The following CBFA2T3 variants were observed in gnomAD, a reference collection of about 807,000 sequenced individuals.
CBFA2T3 encodes the protein transcriptional corepressor CBFA2T3.
A neutral mutation model predicts 58.6 loss-of-function variants in CBFA2T3; 31 were observed. That is an observed-to-expected ratio of 0.53 (90% confidence interval 0.40 to 0.71). The LOEUF (loss-of-function observed/expected upper bound fraction) is 0.71, where lower values mean the gene tolerates loss of function less well. Among genes scored for constraint, CBFA2T3 ranks in the 30% least tolerant of loss-of-function variants. The pLI, the probability that CBFA2T3 is intolerant of heterozygous loss-of-function variation, is 0.00. For synonymous variants in CBFA2T3, 531 were observed against 421.9 expected (o/e 1.26, Z -3.17); for missense variants, 1,076 against 963.1 (o/e 1.12, Z -1.55).
At chr16:88,968,187 G>T (rs993731956) in intron 1 of CBFA2T3, among the ~76,000 whole-genome samples, 3 of 152,222 alleles carry the variant, frequency 2.0e-5, no homozygotes, top group Non-Finnish European at 2.9e-5. Context: ...GCCGAATAAG[G>T]GTGGACCACA....
chr16:88,882,369 G>A (rs1184170263), intron 8 of CBFA2T3, among the ~76,000 whole-genome samples: 1 of 151,022 alleles, frequency 6.6e-6, no homozygotes, highest in Non-Finnish European at 1.5e-5. Context: ...TGTGTACATG[G>A]GGGGGTTGTG....
chr16:88,930,927 C>CG (rs544964653), intron 1 of CBFA2T3, among the ~76,000 whole-genome samples: 95 of 150,256 alleles, frequency 6.3e-4, no homozygotes, highest in Non-Finnish European at 1.3e-3. Context: ...AGCGAGCTGG[C>CG]GGGGGGCGTG....
chr16:88,962,561 C>T (rs2142866268), intron 1 of CBFA2T3, among the ~76,000 whole-genome samples: 1 of 152,234 alleles, frequency 6.6e-6, no homozygotes, highest in African/African-American at 2.4e-5. Context: ...CCACTCTGCA[C>T]CCTGAGGGCA....
rs754628091 is a variant in CBFA2T3, at chr16:88,891,940, G to A, written c.653C>T (p.Ser218Phe). 6.2e-6 allele frequency: 10 copies of A among 1,613,276 alleles called. No homozygotes were observed. Among genetic ancestry groups the A allele is most frequent in the African/African-American group, 1.3e-5 (1 of 74,894 alleles). The change falls in exon 5 of 12, where the codon TCC (serine) becomes TTC (phenylalanine). Residue 218 changes from serine (S) to phenylalanine (F), a missense_variant. Physicochemically the swap from Ser to Phe is radical, Grantham distance 155. Coordinates refer to ENST00000268679, the MANE Select transcript of CBFA2T3 (RefSeq NM_005187.6). ...NSTLTIEEFH[S>F]KLQEATNFPL... Reference sequence around the variant, plus strand: ...GAAGTTGGTGGCCTCCTGAAGCTTGGAATGAAACTCCTCGATCGTCAATGT... The same window carrying A: ...GAAGTTGGTGGCCTCCTGAAGCTTGAAATGAAACTCCTCGATCGTCAATGT...
intron 1 of CBFA2T3, among the ~76,000 whole-genome samples, chr16:88,911,706 G>A (rs1329436619): frequency 1.3e-5 from 2 of 152,270 alleles, no homozygotes; most frequent in African/African-American, 2.4e-5. Context: ...CGCTCGCCCT[G>A]GCCACCCAGC....
Position 88,881,469 on chromosome 16 carries a change from G to C in CBFA2T3, c.1224C>G (p.Asp408Glu). 6.2e-7 allele frequency: 1 copy of C among 1,609,090 alleles called. No individual in the cohort carries two copies. The highest frequency in any genetic ancestry group is 1.3e-5 in the African/African-American group (1 of 74,988). The change falls in exon 9 of 12, where the codon GAC becomes GAG. Residue 408 changes from aspartate (D) to glutamate (E), a missense_variant. Transcript: ENST00000268679. Reference sequence around the variant, plus strand: ...GCGAGCGCCGCGTCTTCTCCACCATGTCCATGATGCAGTTCAGGAGCTGGG... The same window carrying C: ...GCGAGCGCCGCGTCTTCTCCACCATCTCCATGATGCAGTTCAGGAGCTGGG... ...HLNNLLNCIM[D>E]MVEKTRRSLT...
chr16:88,899,090 C>T (rs2142627353), intron 2 of CBFA2T3, among the ~76,000 whole-genome samples: 1 of 129,764 alleles, frequency 7.7e-6, no homozygotes, highest in South Asian at 2.9e-4. Flanking sequence ...CACAGCAGCA[C>T]CGCAGCTTCA....
Position 88,976,817 on chromosome 16 carries a change from C to A in CBFA2T3, c.-10G>T. ...GTCTTGAAGCCGGCATGAGGAGGGCCACCCTCAGGGGCCAACCTGGAGCCC... is the reference window on the plus strand; with the variant it reads ...GTCTTGAAGCCGGCATGAGGAGGGCAACCCTCAGGGGCCAACCTGGAGCCC... On this transcript the variant is annotated 5_prime_UTR_variant, in exon 1 of 12. Coordinates refer to ENST00000268679, the MANE Select transcript of CBFA2T3 (RefSeq NM_005187.6). 1 of 1,547,384 alleles carries A rather than the reference C, an allele frequency of 6.5e-7. No individual in the cohort carries two copies. The highest frequency in any genetic ancestry group is 8.7e-7 in the Non-Finnish European group (1 of 1,143,304).
At chr16:88,961,196 T>C (rs1027024365) in intron 1 of CBFA2T3, among the ~76,000 whole-genome samples, 6 of 152,178 alleles carry the variant, frequency 3.9e-5, no homozygotes, top group African/African-American at 1.4e-4. Context: ...GAAGGGGGCC[T>C]GTGGATGCCG....
chr16:88,950,405 C>T (rs1363746158), intron 1 of CBFA2T3: 1 of 428,420 alleles, frequency 2.3e-6, no homozygotes, highest in African/African-American at 2.4e-5. Context: ...GTTCACCCGT[C>T]CCCTGGACCG....
intron 1 of CBFA2T3, among the ~76,000 whole-genome samples, chr16:88,934,793 G>T (rs1200809353): frequency 1.3e-5 from 2 of 152,222 alleles, no homozygotes; most frequent in Non-Finnish European, 2.9e-5. Context: ...AGGCTGGAGT[G>T]CAGTGGCGCG....
intron 3 of CBFA2T3, among the ~76,000 whole-genome samples, chr16:88,896,135 C>G (rs1456436417): frequency 6.6e-6 from 1 of 152,198 alleles, no homozygotes; most frequent in African/African-American, 2.4e-5. Context: ...AAACAGCCCC[C>G]ACACCTAGTG....
chr16:88,901,575 G>A lies in CBFA2T3; in HGVS notation c.233C>T (p.Pro78Leu), dbSNP rs761307496. ...EVKTQPRSTP[P>L]SMPPPPPAAS... ...GGCAGGCGGTGGGGGCGGCATGCTG[G>A]GGGGTGTGGACCGGGGCTGCGTCTT... The change falls in exon 2 of 12, where the codon CCC becomes CTC. Residue 78 changes from proline (P) to leucine (L), a missense_variant. Transcript: ENST00000268679. The A allele has an allele frequency of 2.7e-6, 4 of 1,501,276 alleles. No individual in the cohort carries two copies. Among genetic ancestry groups the A allele is most frequent in the South Asian group, 1.4e-5 (1 of 73,786 alleles). 93.0% of individuals were successfully genotyped at this position (1,501,276 alleles called of 1,614,324 possible). A position where few individuals can be genotyped will look rare whatever the true frequency, so the allele number is the denominator to read the frequency against.
chr16:88,936,571 G>A (rs1207627742), intron 1 of CBFA2T3, among the ~76,000 whole-genome samples: 2 of 152,188 alleles, frequency 1.3e-5, no homozygotes, highest in Non-Finnish European at 2.9e-5. Flanking sequence ...GCCCAGACCC[G>A]ACGGGGCAGA....
At chr16:88,883,569 G>A (rs79571857) in intron 7 of CBFA2T3, 2,175 of 152,216 alleles carry the variant, frequency 0.014, 21 homozygotes, top group East Asian at 0.027. Context: ...AAACTAAGAC[G>A]TGAGTGACGC....
chr16:88,922,709 G>GCCACACC (rs1970961132), intron 1 of CBFA2T3, among the ~76,000 whole-genome samples: 1 of 152,236 alleles, frequency 6.6e-6, no homozygotes, highest in Admixed American at 6.5e-5. Context: ...CCAGCTTGCA[G>GCCACACC]CCGTCGGAGG....
At chr16:88,898,416 C>T (rs1597692519) in intron 2 of CBFA2T3, among the ~76,000 whole-genome samples, 3 of 152,164 alleles carry the variant, frequency 2.0e-5, no homozygotes, top group South Asian at 2.1e-4. Context: ...GATTTTCTGA[C>T]GGGGCTCTGT....
chr16:88,932,877 G>C (rs1012735088), intron 1 of CBFA2T3, among the ~76,000 whole-genome samples: 2 of 151,428 alleles, frequency 1.3e-5, no homozygotes, highest in African/African-American at 4.9e-5. Context: ...GCTGACGCAG[G>C]AGAATCACTT....
Position 88,950,538 on chromosome 16 carries a change from G to A in CBFA2T3, c.151+26119C>T, listed in dbSNP as rs58251630. 5 of 396,162 alleles carry A rather than the reference G, an allele frequency of 1.3e-5. 1 individual carries two copies. The highest frequency in any genetic ancestry group is 3.2e-5 in the South Asian group (2 of 61,556). The allele number at this position is 396,162 out of a possible 1,614,324, so 24.5% of individuals were successfully genotyped here. ...ACCTGTCTTCCGGGTCAGTTCACCC[G>A]TCCCCTGGACCGGCACCGCCACAGA... On this transcript the variant is annotated intron_variant, in intron 1 of 11. Transcript: ENST00000268679.
Sources: allele counts gnomAD v4.1 joint callset (sites outside exome capture counted in the v4.1 genomes callset), GRCh38; gene constraint gnomAD v4.1.1; transcripts MANE v1.5; gene names NCBI Gene and HGNC (gene_info 2026-07-23, HGNC 2026-07-21).